HPSE2: variants seen among roughly 807,000 people sequenced by gnomAD.
The protein encoded by HPSE2 is inactive heparanase-2.
In HPSE2, 38 loss-of-function variants were observed where a neutral mutation model predicts 60.5. The ratio of observed to expected loss-of-function variants is 0.63; its 90% CI spans 0.48 to 0.82. The LOEUF is 0.82. Ranked by LOEUF, HPSE2 falls within the 40% of genes least tolerant of loss-of-function variation. HPSE2 has a pLI of 0.00. For missense variants in HPSE2, 713 were observed against 740.4 expected, an observed-to-expected ratio of 0.96 and a Z score of 0.43; for synonymous variants, 295 against 293.2, an observed-to-expected ratio of 1.01 and a Z score of -0.06.
intron 6 of HPSE2, among the ~76,000 whole-genome samples, chr10:98,659,454 C>T (rs1346701990): frequency 3.3e-5 from 5 of 152,200 alleles, no homozygotes; most frequent in Non-Finnish European, 5.9e-5. Flanking sequence ...GCTTCCTTCA[C>T]TTAATGTTTT....
intron 3 of HPSE2, among the ~76,000 whole-genome samples, chr10:98,977,128 T>C (rs1169502365): frequency 1.3e-5 from 2 of 152,198 alleles, no homozygotes; most frequent in Non-Finnish European, 2.9e-5. Context: ...TTGTTTTATA[T>C]CACCATGTTT....
intron 9 of HPSE2, among the ~76,000 whole-genome samples, chr10:98,566,936 T>C (rs1944364405): frequency 6.6e-6 from 1 of 152,176 alleles, no homozygotes; most frequent in African/African-American, 2.4e-5. Context: ...ATTACCATAA[T>C]CTTTTACTAG....
intron 9 of HPSE2, among the ~76,000 whole-genome samples, chr10:98,540,091 T>C (rs1943412389): frequency 6.6e-6 from 1 of 152,240 alleles, no homozygotes. Context: ...AGTCAATGGT[T>C]CTGAATAGGG....
rs565023052 is a variant in HPSE2, at chr10:99,176,816, T to C, written c.449-32417A>G. Among the ~76,000 whole-genome samples, 13 of 150,918 alleles carry C rather than the reference T, an allele frequency of 8.6e-5. No individual in the cohort carries two copies. In the South Asian group the frequency reaches 2.8e-3, roughly 32 times the overall value. On this transcript the variant is annotated intron_variant, in intron 2 of 11. Coordinates refer to ENST00000370552, the MANE Select transcript of HPSE2 (RefSeq NM_021828.5). Reference sequence around the variant, plus strand: ...GGAGAGCAACCCCCAAGACACATAATGATCAGATTCACCAAGGTTGAAATG... The same window carrying C: ...GGAGAGCAACCCCCAAGACACATAACGATCAGATTCACCAAGGTTGAAATG...
chr10:99,251,862 C>CAA, the HPSE2 span, among the ~76,000 whole-genome samples: 2,136 of 57,278 alleles, frequency 0.037, 268 homozygotes, highest in African/African-American at 0.12. Context: ...CTCTCTCTAC[C>CAA]AAAAAAAAAA....
chr10:99,271,681 T>G, the HPSE2 span, among the ~76,000 whole-genome samples: 1 of 152,104 alleles, frequency 6.6e-6, no homozygotes, highest in African/African-American at 2.4e-5. Context: ...AGAGACCACA[T>G]AGCCAAAGCA....
intron 3 of HPSE2, among the ~76,000 whole-genome samples, chr10:99,102,266 T>C (rs1454436160): frequency 4.0e-5 from 6 of 150,964 alleles, no homozygotes; most frequent in Non-Finnish European, 8.9e-5. Flanking sequence ...GAGAGAAGAA[T>C]CAAATAGATG....
chr10:98,775,938 C>T (rs898859489), intron 3 of HPSE2, among the ~76,000 whole-genome samples: 6 of 151,994 alleles, frequency 3.9e-5, no homozygotes, highest in African/African-American at 7.3e-5. Context: ...TCCTAGGTTC[C>T]TCTCTATTAT....
chr10:98,654,457 A>G (rs1043338791), intron 6 of HPSE2, among the ~76,000 whole-genome samples: 1 of 152,136 alleles, frequency 6.6e-6, no homozygotes, highest in South Asian at 2.1e-4. Context: ...GGCAATTTCT[A>G]TTGACCTATC....
intron 3 of HPSE2, among the ~76,000 whole-genome samples, chr10:98,938,030 T>C (rs1954861711): frequency 7.0e-6 from 1 of 143,406 alleles, no homozygotes; most frequent in Admixed American, 6.9e-5. Context: ...CTGAGGGTCC[T>C]GTCTGTTAGA....
At chr10:98,609,678 G>T (rs1266657848) in intron 9 of HPSE2, among the ~76,000 whole-genome samples, 1 of 151,854 alleles carries the variant, frequency 6.6e-6, no homozygotes, top group Non-Finnish European at 1.5e-5. Context: ...AGGTAGAGGT[G>T]GCATTTTTAT....
At chr10:98,478,785 C>T (rs1941121733) in intron 11 of HPSE2, among the ~76,000 whole-genome samples, 1 of 152,186 alleles carries the variant, frequency 6.6e-6, no homozygotes, top group Non-Finnish European at 1.5e-5. Flanking sequence ...ATATGTATTC[C>T]AGATGCAGAA....
chr10:99,274,593 G>A, the HPSE2 span, among the ~76,000 whole-genome samples: 1 of 151,880 alleles, frequency 6.6e-6, no homozygotes, highest in Admixed American at 6.6e-5. Context: ...TATTTAAAGT[G>A]TTAACCATTT....
At chr10:98,849,224 C>G (rs987367010) in intron 3 of HPSE2, among the ~76,000 whole-genome samples, 1 of 152,140 alleles carries the variant, frequency 6.6e-6, no homozygotes, top group African/African-American at 2.4e-5. Context: ...TACCTTCCTT[C>G]CCTCCCAGTT....
At chr10:99,128,066 A>G (rs1018721854) in intron 3 of HPSE2, among the ~76,000 whole-genome samples, 3 of 152,236 alleles carry the variant, frequency 2.0e-5, no homozygotes, top group African/African-American at 7.2e-5. Flanking sequence ...AGGGTCTATA[A>G]AACAATAACA....
chr10:98,572,421 T>G (rs1048774225), intron 9 of HPSE2, among the ~76,000 whole-genome samples: 9 of 152,210 alleles, frequency 5.9e-5, no homozygotes, highest in African/African-American at 2.2e-4. Context: ...CATATCTCAA[T>G]GTGGATCTTT....
At chr10:99,008,843 A>T (rs2135393508) in intron 3 of HPSE2, among the ~76,000 whole-genome samples, 1 of 152,286 alleles carries the variant, frequency 6.6e-6, no homozygotes, top group East Asian at 1.9e-4. Context: ...GCACCCCTGA[A>T]GATAGTTTTG....
intron 3 of HPSE2, among the ~76,000 whole-genome samples, chr10:99,098,453 T>C (rs187262352): frequency 6.6e-6 from 1 of 152,338 alleles, no homozygotes; most frequent in East Asian, 1.9e-4. Context: ...TAGGCTATTT[T>C]CAATTCCATT....
At chr10:98,558,418 C>A (rs1443307299) in intron 9 of HPSE2, among the ~76,000 whole-genome samples, 14 of 152,148 alleles carry the variant, frequency 9.2e-5, no homozygotes, top group African/African-American at 3.4e-4. Flanking sequence ...AAGTGAGATA[C>A]CATCCCACAA....
Sources: allele counts gnomAD v4.1 joint callset (sites outside exome capture counted in the v4.1 genomes callset), GRCh38; gene constraint gnomAD v4.1.1; transcripts MANE v1.5; gene names NCBI Gene and HGNC (gene_info 2026-07-23, HGNC 2026-07-21).